The following KYNU variants were observed in gnomAD, a reference collection of about 807,000 sequenced individuals.
KYNU encodes L-kynurenine hydrolase.
KYNU carries 54 observed loss-of-function variants against 59.2 expected under a neutral mutation model. The ratio of observed to expected loss-of-function variants is 0.91; its 90% confidence interval spans 0.73 to 1.14. The LOEUF (loss-of-function observed/expected upper bound fraction) is 1.14. Among genes scored for constraint, KYNU ranks in the 50% most tolerant of loss-of-function variants. KYNU has a pLI of 0.00. For synonymous variants in KYNU, 177 were observed against 192.0 expected, an observed-to-expected ratio of 0.92 and a Z score of 0.65; for missense variants, 567 against 554.4, an observed-to-expected ratio of 1.02 and a Z score of -0.23.
At chr2:142,973,692 T>C (rs1684803969) in intron 8 of KYNU, among the ~76,000 whole-genome samples, 1 of 152,128 alleles carries the variant, frequency 6.6e-6, no homozygotes, top group Non-Finnish European at 1.5e-5. Flanking sequence ...CATTGTCTAA[T>C]ACCAGCTGAG....
chr2:143,032,711 T>TGTGTGTGTGTGTG (rs1686787027), intron 11 of KYNU, among the ~76,000 whole-genome samples: 1 of 129,370 alleles, frequency 7.7e-6, no homozygotes, highest in African/African-American at 2.9e-5. Context: ...GCTCCCTCTA[T>TGTGTGTGTGTGTG]TGTGTGTGTG....
intron 4 of KYNU, among the ~76,000 whole-genome samples, chr2:142,945,726 C>G (rs1266315556): frequency 6.8e-6 from 1 of 148,056 alleles, no homozygotes; most frequent in Non-Finnish European, 1.5e-5. Flanking sequence ...TCACAAAATG[C>G]TTTTTTTAAT....
intron 2 of KYNU, among the ~76,000 whole-genome samples, chr2:142,903,769 T>C (rs909361387): frequency 1.3e-4 from 20 of 152,212 alleles, no homozygotes; most frequent in Non-Finnish European, 2.5e-4. Flanking sequence ...CAGTGGGCCT[T>C]CCAGTGATTC....
chr2:142,902,898 C>T (rs932015882), intron 2 of KYNU, among the ~76,000 whole-genome samples: 1 of 152,142 alleles, frequency 6.6e-6, no homozygotes, highest in Non-Finnish European at 1.5e-5. Flanking sequence ...TTTGAAGCAT[C>T]TTTAAAGGCA....
chr2:143,006,413 G>A (rs999442962), intron 10 of KYNU, among the ~76,000 whole-genome samples: 10 of 151,358 alleles, frequency 6.6e-5, no homozygotes, highest in African/African-American at 2.2e-4. Context: ...CTACGCCCAT[G>A]GAATCTCGCT....
chr2:142,987,001 A>T (rs1685223237), intron 10 of KYNU, among the ~76,000 whole-genome samples: 1 of 151,834 alleles, frequency 6.6e-6, no homozygotes, highest in Non-Finnish European at 1.5e-5. Context: ...TAAGGTTTTA[A>T]ACTTAAGACA....
chr2:142,884,809 C>T (rs1253160043), intron 1 of KYNU, among the ~76,000 whole-genome samples: 2 of 147,562 alleles, frequency 1.4e-5, no homozygotes, highest in East Asian at 4.0e-4. Context: ...TGGGTTCAAG[C>T]GATTCTCCTG....
chr2:142,956,399 A>G, intron 6 of KYNU, 125 bp downstream of exon 6: 1 of 636,202 alleles, frequency 1.6e-6, no homozygotes, highest in South Asian at 1.9e-5. Context: ...AAGATCTGTC[A>G]AATGCTTTTG....
At chr2:142,998,965 C>A (rs71423231) in intron 10 of KYNU, among the ~76,000 whole-genome samples, 31,155 of 143,614 alleles carry the variant, frequency 0.22, 3,731 homozygotes, top group African/African-American at 0.33. Context: ...GCAGAGATCA[C>A]GTCACTGCAC....
chr2:142,912,726 T>C (rs1301327943), intron 2 of KYNU, among the ~76,000 whole-genome samples: 1 of 145,212 alleles, frequency 6.9e-6, no homozygotes, highest in Non-Finnish European at 1.5e-5. Context: ...TTTTTTTTTT[T>C]TGAGATGGAG....
chr2:143,024,737 C>T (rs1181300463), intron 10 of KYNU, among the ~76,000 whole-genome samples: 1 of 152,078 alleles, frequency 6.6e-6, no homozygotes, highest in Non-Finnish European at 1.5e-5. Flanking sequence ...GAGTTAATCG[C>T]TCCCAACTAA....
rs1687127362 is a variant in KYNU at position 143,044,115 on chromosome 2, T to C, written c.*1943T>C. ...ATTTTCTGTTCCTCTGTTAGTTTGC[T>C]GAGAATGATGGTTTCCAGCTTCATC... On this transcript the variant is annotated 3_prime_UTR_variant, in exon 14 of 14. Coordinates refer to ENST00000264170, the MANE Select transcript of KYNU (RefSeq NM_003937.3). The C allele has an allele frequency of 6.6e-6, 1 of 152,160 alleles. No individual in the cohort carries two copies. The allele number at this position is 152,160 out of a possible 1,614,324, so 9.4% of individuals were successfully genotyped here.
Position 142,885,358 on chromosome 2 carries a change from A to G in KYNU, c.-10A>G, listed in dbSNP as rs369725141. ...TATTATTCTCTTTCAGTTTTAGAGA[A>G]CAACTTGTAATGGAGCCTTCATCTC... On this transcript the variant is annotated 5_prime_UTR_variant, in exon 2 of 14. Coordinates refer to ENST00000264170, the MANE Select transcript of KYNU (RefSeq NM_003937.3). 17 of 1,613,588 alleles carry G rather than the reference A, an allele frequency of 1.1e-5. No homozygotes were observed. In the African/African-American group the frequency reaches 2.1e-4, roughly 20 times the overall value.
At chr2:142,941,086 C>T (rs1683584685) in intron 4 of KYNU, among the ~76,000 whole-genome samples, 1 of 152,190 alleles carries the variant, frequency 6.6e-6, no homozygotes, top group African/African-American at 2.4e-5. Context: ...TCCCAGCCCT[C>T]CTCTCCCTCT....
At chr2:143,006,505 G>C (rs528088760) in intron 10 of KYNU, among the ~76,000 whole-genome samples, 791 of 74,200 alleles carry the variant, frequency 0.011, 13 homozygotes, top group African/African-American at 0.045. Flanking sequence ...GCCCAGGCTT[G>C]ATTAGGTAAA....
At chr2:142,903,137 T>C (rs10195200) in intron 2 of KYNU, among the ~76,000 whole-genome samples, 4,255 of 152,212 alleles carry the variant, frequency 0.028, 122 homozygotes, top group East Asian at 0.071. Context: ...GCAGGGGCTA[T>C]TGCATGGTTT....
chr2:142,989,632 T>C (rs1036320886), intron 10 of KYNU: 1 of 388,610 alleles, frequency 2.6e-6, no homozygotes, highest in Admixed American at 6.5e-5. Context: ...AATTTGACTA[T>C]ATGTTGATAG....
chr2:142,971,494 C>T (rs1684723051), intron 8 of KYNU: 1 of 152,170 alleles, frequency 6.6e-6, no homozygotes, highest in Admixed American at 6.5e-5. Flanking sequence ...ATATATCTGT[C>T]TTCCTGCTAT....
intron 10 of KYNU, among the ~76,000 whole-genome samples, chr2:142,995,998 AC>A (rs1685528426): frequency 6.6e-6 from 1 of 151,914 alleles, no homozygotes; most frequent in African/African-American, 2.4e-5. Flanking sequence ...ACTGTACCAA[AC>A]GTGTCTCTGT....
Sources: allele counts gnomAD v4.1 joint callset (sites outside exome capture counted in the v4.1 genomes callset), GRCh38; gene constraint gnomAD v4.1.1; transcripts MANE v1.5; gene names NCBI Gene and HGNC (gene_info 2026-07-23, HGNC 2026-07-21).